PLPPR1: variants seen among roughly 807,000 people sequenced by gnomAD.
PLPPR1 encodes phospholipid phosphatase-related protein type 1.
In PLPPR1, 10 loss-of-function variants were observed where a neutral mutation model predicts 33.1. The ratio of observed to expected loss-of-function variants is 0.30; its 90% CI spans 0.19 to 0.51. PLPPR1 has a LOEUF of 0.51. PLPPR1 is among the 20% of genes least tolerant of loss of function. PLPPR1 has a pLI of 0.97. For missense variants in PLPPR1, 304 were observed against 408.1 expected (o/e 0.74, Z 2.20); for synonymous variants, 151 against 151.0 (o/e 1.00, Z 0.00).
At chr9:101,048,785 G>T (rs1169568816) in intron 1 of PLPPR1, among the ~76,000 whole-genome samples, 1 of 152,168 alleles carries the variant, frequency 6.6e-6, no homozygotes, top group African/African-American at 2.4e-5. Context: ...CTTCTACAGG[G>T]TGGCTATCCA....
rs545386440 is a variant in PLPPR1, at chr9:101,216,393, CTTGAG to C, written c.63+30840_63+30844del. Among the ~76,000 whole-genome samples the C allele has an allele frequency of 7.9e-5, 12 of 152,094 alleles. No homozygotes were observed. The South Asian group carries it at 2.5e-3, about 32-fold the overall frequency. ...GATTTTTTTGTTTGTTTGTTTTCCT[CTTGAG>C]TTGTTTGAATTCTTAGATAGACTGG... On this transcript the variant is annotated intron_variant, in intron 2 of 7. Coordinates refer to ENST00000374874, the MANE Select transcript of PLPPR1 (RefSeq NM_207299.2).
intron 2 of PLPPR1, among the ~76,000 whole-genome samples, chr9:101,261,891 G>A (rs193068113): frequency 5.3e-5 from 8 of 151,970 alleles, no homozygotes; most frequent in Admixed American, 3.9e-4. Flanking sequence ...TTATACCTAC[G>A]TGATGAAATA....
chr9:101,302,886 T>A (rs1326792625), intron 4 of PLPPR1, among the ~76,000 whole-genome samples: 1 of 152,240 alleles, frequency 6.6e-6, no homozygotes, highest in Non-Finnish European at 1.5e-5. Flanking sequence ...GTATCCTCAA[T>A]ATCATACAAC....
intron 1 of PLPPR1, among the ~76,000 whole-genome samples, chr9:101,156,431 T>A (rs1221202051): frequency 6.6e-6 from 1 of 151,284 alleles, no homozygotes; most frequent in East Asian, 2.0e-4. Context: ...CTGCCTGTGG[T>A]CCCAACTATT....
intron 7 of PLPPR1, among the ~76,000 whole-genome samples, chr9:101,322,277 T>C (rs1367975978): frequency 6.6e-6 from 1 of 150,418 alleles, no homozygotes; most frequent in Non-Finnish European, 1.5e-5. Flanking sequence ...AGCCACAGTT[T>C]GTTAAAGATT....
chr9:101,274,182 T>A (rs1828147780), intron 3 of PLPPR1, among the ~76,000 whole-genome samples: 1 of 152,218 alleles, frequency 6.6e-6, no homozygotes, highest in South Asian at 2.1e-4. Flanking sequence ...CCTTTGATAA[T>A]ACTGACAAAC....
chr9:101,032,216 A>G (rs1363402996), intron 1 of PLPPR1, among the ~76,000 whole-genome samples: 2 of 151,350 alleles, frequency 1.3e-5, no homozygotes, highest in African/African-American at 2.5e-5. Context: ...AAGAACTTCA[A>G]TTTTATGGGG....
chr9:101,051,483 G>T (rs767093398), intron 1 of PLPPR1, among the ~76,000 whole-genome samples: 1 of 152,054 alleles, frequency 6.6e-6, no homozygotes, highest in Non-Finnish European at 1.5e-5. Flanking sequence ...CAGATTTGTA[G>T]CCTTTCCACT....
intron 2 of PLPPR1, among the ~76,000 whole-genome samples, chr9:101,216,229 G>A (rs1826792397): frequency 6.6e-6 from 1 of 152,172 alleles, no homozygotes; most frequent in South Asian, 2.1e-4. Flanking sequence ...TAACTGGTAT[G>A]AGATGATATC....
chr9:101,183,076 G>A (rs1183053987), intron 1 of PLPPR1, among the ~76,000 whole-genome samples: 1 of 151,610 alleles, frequency 6.6e-6, no homozygotes, highest in African/African-American at 2.4e-5. Flanking sequence ...TTTGGAAAAC[G>A]TTTTAGTAGT....
At chr9:101,043,975 C>G (rs1367004040) in intron 1 of PLPPR1, among the ~76,000 whole-genome samples, 1 of 151,934 alleles carries the variant, frequency 6.6e-6, no homozygotes, top group African/African-American at 2.4e-5. Flanking sequence ...TGACCAAGAA[C>G]CCAAAAGCAA....
chr9:101,097,010 A>G (rs1056240448), intron 1 of PLPPR1, among the ~76,000 whole-genome samples: 3 of 152,188 alleles, frequency 2.0e-5, no homozygotes, highest in Non-Finnish European at 4.4e-5. Context: ...AAAGCTGCAG[A>G]CATGTGTAAC....
At chr9:101,176,325 C>T (rs1826019267) in intron 1 of PLPPR1, among the ~76,000 whole-genome samples, 1 of 152,074 alleles carries the variant, frequency 6.6e-6, no homozygotes, top group South Asian at 2.1e-4. Context: ...AAGTGGGGAG[C>T]CAGGACTTTA....
At chr9:101,217,979 C>T (rs1436083148) in intron 2 of PLPPR1, among the ~76,000 whole-genome samples, 1 of 152,066 alleles carries the variant, frequency 6.6e-6, no homozygotes, top group Admixed American at 6.5e-5. Flanking sequence ...GACACTTACC[C>T]TTTGACTCAG....
chr9:101,125,692 A>G (rs976129864), intron 1 of PLPPR1: 3 of 628,972 alleles, frequency 4.8e-6, no homozygotes, highest in Non-Finnish European at 5.6e-6. Flanking sequence ...CCATTGTAAC[A>G]TTACAGGCCC....
chr9:101,313,189 A>G (rs1828991516), intron 6 of PLPPR1, among the ~76,000 whole-genome samples: 2 of 152,216 alleles, frequency 1.3e-5, no homozygotes, highest in African/African-American at 4.8e-5. Context: ...TCTGGGTGGC[A>G]GGGAGAGAAT....
intron 1 of PLPPR1, among the ~76,000 whole-genome samples, chr9:101,179,666 T>A (rs1330286450): frequency 3.3e-5 from 5 of 152,156 alleles, no homozygotes; most frequent in African/African-American, 1.2e-4. Context: ...AGATTATGCA[T>A]AATCTCAGAA....
intron 1 of PLPPR1, among the ~76,000 whole-genome samples, chr9:101,177,790 A>G (rs766719505): frequency 1.3e-5 from 2 of 152,206 alleles, no homozygotes; most frequent in Non-Finnish European, 2.9e-5. Context: ...TATAATTTAT[A>G]TAATTTCTAT....
chr9:101,121,760 C>G (rs555341322), intron 1 of PLPPR1, among the ~76,000 whole-genome samples: 5 of 152,298 alleles, frequency 3.3e-5, no homozygotes, highest in African/African-American at 9.6e-5. Flanking sequence ...ACCAGCTATG[C>G]TGTAAGAATT....
Sources: allele counts gnomAD v4.1 joint callset (sites outside exome capture counted in the v4.1 genomes callset), GRCh38; gene constraint gnomAD v4.1.1; transcripts MANE v1.5; gene names NCBI Gene and HGNC (gene_info 2026-07-23, HGNC 2026-07-21).